The following PCDHGB1 variants were observed in gnomAD, a reference collection of about 807,000 sequenced individuals.
The protein encoded by PCDHGB1 is protocadherin gamma subfamily B, 1, also known as protocadherin gamma-B1.
Under a neutral mutation model 56.6 loss-of-function variants are expected in PCDHGB1, and 34 were observed. The ratio of observed to expected loss-of-function variants is 0.60; its 90% CI spans 0.46 to 0.80. The LOEUF is 0.80. Among genes scored for constraint, PCDHGB1 ranks in the 30% least tolerant of loss-of-function variants. PCDHGB1 has a pLI of 0.00. For missense variants in PCDHGB1, 1,278 were observed against 1,204.6 expected (o/e 1.06, Z -0.90); for synonymous variants, 561 against 505.9 (o/e 1.11, Z -1.46).
In PCDHGB1 at chr5:141,388,268, C is replaced by A; in HGVS notation, c.2409+35599C>A. On this transcript the variant is annotated intron_variant, in intron 1 of 3. Coordinates refer to ENST00000523390, the MANE Select transcript of PCDHGB1 (RefSeq NM_018922.3). ...ATGTGGAGATCGAGGACATTAATGA[C>A]CACACGCCAAAATTCACGCAAAATT... The A allele has an allele frequency of 1.3e-6, 2 of 1,594,084 alleles. No homozygotes were observed. Among genetic ancestry groups the A allele is most frequent in the African/African-American group, 2.9e-5 (2 of 68,850 alleles).
Position 141,405,029 on chromosome 5 carries a change from C to G in PCDHGB1, c.2409+52360C>G, listed in dbSNP as rs565871444. 16 of 1,613,976 alleles carry G rather than the reference C, an allele frequency of 9.9e-6. No individual in the cohort carries two copies. The Admixed American group carries it at 1.0e-4, about 10-fold the overall frequency. On this transcript the variant is annotated intron_variant, in intron 1 of 3. Coordinates refer to ENST00000523390, the MANE Select transcript of PCDHGB1 (RefSeq NM_018922.3). ...GGAGGCCTCAGACCTTACCCTCTAC[C>G]TCGTTGTGGCTGTGGCAGTCGTCTC...
In PCDHGB1 at chr5:141,384,701, A is replaced by G. The variant is rs775540555; in HGVS notation, c.2409+32032A>G. On this transcript the variant is annotated intron_variant, in intron 1 of 3. Transcript: ENST00000523390. ...GCGGTGGACAAAGATTCAGGCCAGA[A>G]CGCCTGGCTGTCATACCTCCTGCTT... is the stretch of plus-strand genomic sequence containing the variant. The G allele has an allele frequency of 8.7e-6, 14 of 1,614,138 alleles. No homozygotes were observed. In the South Asian group the frequency reaches 1.2e-4, roughly 14 times the overall value.
intron 1 of PCDHGB1, chr5:141,395,349 CAG>C: frequency 7.2e-7 from 1 of 1,382,548 alleles, no homozygotes; most frequent in South Asian, 1.5e-5. Flanking sequence ...AGGTGTATCA[CAG>C]AGTTTTGGGT....
At position 141,476,477 on chromosome 5, in the gene PCDHGB1, G is replaced by A; in HGVS notation, c.2410-18330G>A. 1.2e-6 allele frequency: 2 copies of A among 1,614,078 alleles called. No individual in the cohort carries two copies. Among genetic ancestry groups the A allele is most frequent in the South Asian group, 1.1e-5 (1 of 91,070 alleles). ...GGAGAACCCGCTGGAGCTGTTCAGC[G>A]TGGAAGTGGTGATCCAGGACATCAA... On this transcript the variant is annotated intron_variant, in intron 1 of 3. Transcript: ENST00000523390. This position sits in a 1 kb window ranked among gnomAD's most constrained non-coding sequence, Gnocchi z 7.6.
Position 141,410,369 on chromosome 5 carries a change from A to T in PCDHGB1, c.2409+57700A>T, listed in dbSNP as rs754541017. Reference sequence around the variant, plus strand: ...CCTGCGACGCTCTCTCAGCCCTGCTACTTGGGACTGCTTCCATCCTGGTCT... The same window carrying T: ...CCTGCGACGCTCTCTCAGCCCTGCTTCTTGGGACTGCTTCCATCCTGGTCT... On this transcript the variant is annotated intron_variant, in intron 1 of 3. Coordinates refer to ENST00000523390, the MANE Select transcript of PCDHGB1 (RefSeq NM_018922.3). The T allele has an allele frequency of 5.6e-6, 9 of 1,613,836 alleles. No homozygotes were observed. The African/African-American group carries it at 1.2e-4, about 22-fold the overall frequency.
chr5:141,355,112 A>G, intron 1 of PCDHGB1: 1 of 1,510,090 alleles, frequency 6.6e-7, no homozygotes, highest in Non-Finnish European at 8.8e-7. Context: ...CTGTGAATGC[A>G]CTTTATTTTG....
intron 1 of PCDHGB1, chr5:141,471,361 C>T (rs1206745378): frequency 6.6e-6 from 1 of 151,976 alleles, no homozygotes; most frequent in Non-Finnish European, 1.5e-5. Context: ...TCCAAGCCCC[C>T]TATTTTTATT....
chr5:141,355,679 C>G (rs1759933363), intron 1 of PCDHGB1: 1 of 1,613,812 alleles, frequency 6.2e-7, no homozygotes. Flanking sequence ...GCTTTTGATC[C>G]GGATGTAGGT....
chr5:141,415,853 G>GTAGTT, intron 1 of PCDHGB1: 1 of 1,186,350 alleles, frequency 8.4e-7, no homozygotes, highest in Non-Finnish European at 1.1e-6. Context: ...GCAGAACCTT[G>GTAGTT]TAGTTTATAG....
intron 1 of PCDHGB1, chr5:141,430,809 G>T (rs949727881): frequency 2.0e-6 from 3 of 1,526,896 alleles, no homozygotes; most frequent in Non-Finnish European, 2.6e-6. Flanking sequence ...GTCCTGCTGG[G>T]AATCCTCCTG....
At chr5:141,420,254 G>C (rs186977117) in intron 1 of PCDHGB1, 3 of 1,569,172 alleles carry the variant, frequency 1.9e-6, no homozygotes, top group Admixed American at 3.8e-5. Context: ...CGTTGAAGCA[G>C]ATAAGAAGAT....
chr5:141,503,471 C>A (rs2099820129), intron 2 of PCDHGB1, among the ~76,000 whole-genome samples: 1 of 151,836 alleles, frequency 6.6e-6, no homozygotes, highest in African/African-American at 2.4e-5. Context: ...GGCATGTGTG[C>A]ACTTGTCGTC....
intron 1 of PCDHGB1, chr5:141,360,177 G>T (rs1278032016): frequency 1.9e-6 from 3 of 1,609,920 alleles, no homozygotes; most frequent in African/African-American, 2.7e-5. Context: ...TGCGGTGGCT[G>T]CAGGTACTGT....
chr5:141,448,945 A>G (rs1288079348), intron 1 of PCDHGB1, among the ~76,000 whole-genome samples: 1 of 151,716 alleles, frequency 6.6e-6, no homozygotes, highest in Non-Finnish European at 1.5e-5. Context: ...ACTGCAACTC[A>G]AAAAAACAAA....
rs1216200329 is a variant in PCDHGB1, at chr5:141,491,485, C to G, written c.2410-3322C>G. ...CTTCTATAAGCAGTCCAGCCCCAAC[C>G]TGCAGGTGAGCTCGGACGGCACGCT... On this transcript the variant is annotated intron_variant, in intron 1 of 3. Coordinates refer to ENST00000523390, the MANE Select transcript of PCDHGB1 (RefSeq NM_018922.3). This position sits in a 1 kb window ranked among gnomAD's most constrained non-coding sequence, Gnocchi z 6.9. 6.2e-7 allele frequency: 1 copy of G among 1,614,148 alleles called. No individual in the cohort carries two copies. The highest frequency in any genetic ancestry group is 1.3e-5 in the African/African-American group (1 of 75,064).
intron 1 of PCDHGB1, among the ~76,000 whole-genome samples, chr5:141,466,916 GT>G (rs1204028461): frequency 6.6e-6 from 1 of 152,010 alleles, no homozygotes; most frequent in Non-Finnish European, 1.5e-5. Context: ...AAAACTCCTT[GT>G]ATTAGGAATA....
At chr5:141,403,645 A>G (rs2154534430) in intron 1 of PCDHGB1, 1 of 1,613,922 alleles carries the variant, frequency 6.2e-7, no homozygotes, top group South Asian at 1.1e-5. Flanking sequence ...TCCATGTGAC[A>G]GTGTTGGATA....
At chr5:141,382,161 G>A (rs539029748) in intron 1 of PCDHGB1, among the ~76,000 whole-genome samples, 2 of 151,904 alleles carry the variant, frequency 1.3e-5, no homozygotes, top group Admixed American at 6.6e-5. Flanking sequence ...TAAAATGAAG[G>A]TGTTAGACCG....
intron 1 of PCDHGB1, chr5:141,361,558 A>G (rs775084773): frequency 6.2e-7 from 1 of 1,614,012 alleles, no homozygotes; most frequent in South Asian, 1.1e-5. Context: ...CGCTCAAATC[A>G]GTGCCTCTGA....
Sources: allele counts gnomAD v4.1 joint callset (sites outside exome capture counted in the v4.1 genomes callset), GRCh38; gene constraint gnomAD v4.1.1; non-coding constraint Gnocchi (gnomAD v3.1); transcripts MANE v1.5; gene names NCBI Gene and HGNC (gene_info 2026-07-23, HGNC 2026-07-21).